The following PCSK5 variants were observed in gnomAD, a reference collection of about 807,000 sequenced individuals.
The protein encoded by PCSK5 is prohormone convertase 5.
PCSK5 carries 129 observed loss-of-function variants against 233.2 expected under a neutral mutation model. That is an observed-to-expected ratio of 0.55 (90% CI 0.48 to 0.64). PCSK5 has a LOEUF of 0.64. Among genes scored for constraint, PCSK5 ranks in the 30% least tolerant of loss-of-function variants. PCSK5 has a pLI of 0.00. For synonymous variants in PCSK5, 825 were observed against 879.2 expected (o/e 0.94, Z 1.09); for missense variants, 2,076 against 2,430.1 (o/e 0.85, Z 3.06).
At chr9:75,946,565 CCTT>C (rs143928619) in intron 2 of PCSK5, among the ~76,000 whole-genome samples, 6,086 of 152,240 alleles carry the variant, frequency 0.04, 156 homozygotes, top group Middle Eastern at 0.075. Context: ...CAAACTTTCT[CCTT>C]CTGCCTTTTT....
intron 3 of PCSK5, among the ~76,000 whole-genome samples, chr9:75,989,479 A>G (rs1355627478): frequency 2.1e-5 from 3 of 143,762 alleles, no homozygotes; most frequent in Non-Finnish European, 3.1e-5. Flanking sequence ...GGGTGACAGA[A>G]TGAGACCCCC....
intron 12 of PCSK5, among the ~76,000 whole-genome samples, chr9:76,162,132 G>T (rs1184897176): frequency 1.3e-5 from 2 of 152,138 alleles, no homozygotes; most frequent in African/African-American, 4.8e-5. Context: ...CAGAATTATT[G>T]CTCTGAGCAG....
chr9:75,957,219 T>A (rs1008970030), intron 2 of PCSK5, among the ~76,000 whole-genome samples: 4 of 152,168 alleles, frequency 2.6e-5, no homozygotes, highest in African/African-American at 9.7e-5. Context: ...TTTGTTAAAC[T>A]GAATCTTGAC....
chr9:76,275,511 G>A (rs907957191), intron 24 of PCSK5, among the ~76,000 whole-genome samples: 3 of 152,060 alleles, frequency 2.0e-5, no homozygotes, highest in Admixed American at 6.6e-5. Context: ...TGCAACCTCC[G>A]CCTCTCGGAT....
intron 24 of PCSK5, among the ~76,000 whole-genome samples, chr9:76,286,151 C>T (rs2131396724): frequency 6.6e-6 from 1 of 152,244 alleles, no homozygotes; most frequent in Middle Eastern, 3.4e-3. Flanking sequence ...TTTTTCCCCC[C>T]ATAAACAGAG....
chr9:76,207,748 G>A (rs1587759593), intron 20 of PCSK5, among the ~76,000 whole-genome samples: 2 of 152,306 alleles, frequency 1.3e-5, no homozygotes, highest in South Asian at 4.1e-4. Context: ...GAAGGATAGA[G>A]CTGGAGATAG....
At chr9:76,103,781 T>C (rs1831863839) in intron 8 of PCSK5, among the ~76,000 whole-genome samples, 1 of 152,206 alleles carries the variant, frequency 6.6e-6, no homozygotes, top group South Asian at 2.1e-4. Flanking sequence ...TCCATCACTC[T>C]GATGGGCACA....
At chr9:75,952,771 T>C (rs1440924949) in intron 2 of PCSK5, among the ~76,000 whole-genome samples, 6 of 152,204 alleles carry the variant, frequency 3.9e-5, no homozygotes, top group Non-Finnish European at 8.8e-5. Context: ...CTTTGAGATT[T>C]CATCCACGAG....
intron 7 of PCSK5, among the ~76,000 whole-genome samples, chr9:76,092,986 C>T (rs1469033786): frequency 1.3e-5 from 2 of 151,214 alleles, no homozygotes; most frequent in African/African-American, 2.4e-5. Flanking sequence ...CTGATCTTAC[C>T]ATACAAGATA....
Position 76,068,259 on chromosome 9 carries a change from A to G in PCSK5, c.721+216A>G, listed in dbSNP as rs566989798. Among the ~76,000 whole-genome samples the G allele has an allele frequency of 5.3e-5, 8 of 152,238 alleles. 1 individual carries two copies. In the South Asian group the frequency reaches 1.5e-3, roughly 28 times the overall value. ...AAGCAGTCACCCTAAAATATTGTAA[A>G]CACTTTTCTTTTAAACAGACTTGAA... is the stretch of plus-strand genomic sequence containing the variant. On this transcript the variant is annotated intron_variant, in intron 6 of 37. Transcript: ENST00000674117.
At chr9:76,149,811 T>A (rs1823589627) in intron 10 of PCSK5, among the ~76,000 whole-genome samples, 1 of 152,216 alleles carries the variant, frequency 6.6e-6, no homozygotes, top group Admixed American at 6.5e-5. Flanking sequence ...CCATCAATTA[T>A]CTTAAGCAAA....
In PCSK5 at chr9:75,911,178, AT is replaced by A. The variant is rs533739952; in HGVS notation, c.192+19806del. On this transcript the variant is annotated intron_variant, in intron 1 of 37. Coordinates refer to ENST00000674117, the MANE Select transcript of PCSK5 (RefSeq NM_001372043.1). The stretch of plus-strand genomic sequence containing the variant: ...AACAAGAACTATTTTGAAATAATTG[AT>A]ACATTGCGTGTGAACATATAGGTTT... Among the ~76,000 whole-genome samples, 8 of 130,690 alleles carry A rather than the reference AT, an allele frequency of 6.1e-5. 1 individual carries two copies. In the East Asian group the frequency reaches 2.0e-3, roughly 33 times the overall value. 85.7% of individuals were successfully genotyped at this position (130,690 alleles called of 152,430 possible). A position where few individuals can be genotyped will look rare whatever the true frequency, so the allele number is the denominator to read the frequency against.
chr9:75,890,853 A>C lies in PCSK5; in HGVS notation c.-329A>C. 4.0e-6 allele frequency: 1 copy of C among 252,606 alleles called. No individual in the cohort carries two copies. The highest frequency in any genetic ancestry group is 7.5e-6 in the Non-Finnish European group (1 of 132,468). 15.6% of individuals were successfully genotyped at this position (252,606 alleles called of 1,614,324 possible). ...GCGAGACCGAGTCGGAGAGTCCGGG[A>C]GCCAAGCCGGGCGAAACCCAACTGC... On this transcript the variant is annotated 5_prime_UTR_variant, in exon 1 of 38. Coordinates refer to ENST00000674117, the MANE Select transcript of PCSK5 (RefSeq NM_001372043.1).
intron 4 of PCSK5, among the ~76,000 whole-genome samples, chr9:76,026,506 A>G (rs1828431549): frequency 6.6e-6 from 1 of 152,224 alleles, no homozygotes; most frequent in African/African-American, 2.4e-5. Flanking sequence ...TTGTCTTCTG[A>G]AATCTATATA....
At chr9:76,193,562 C>T in intron 20 of PCSK5, 1 of 487,288 alleles carries the variant, frequency 2.1e-6, no homozygotes, top group East Asian at 3.3e-5. Context: ...AAAACTACAA[C>T]AAGCCTACCT....
intron 25 of PCSK5, among the ~76,000 whole-genome samples, chr9:76,294,173 A>G (rs930460857): frequency 6.7e-6 from 1 of 148,728 alleles, no homozygotes; most frequent in African/African-American, 2.5e-5. Context: ...CTCCAGCCTC[A>G]GTGACAGGGA....
intron 24 of PCSK5, among the ~76,000 whole-genome samples, chr9:76,246,072 G>T (rs144171410): frequency 6.6e-6 from 1 of 152,064 alleles, no homozygotes; most frequent in Non-Finnish European, 1.5e-5. Context: ...AGTGGCTCAC[G>T]CCTGTAATCC....
chr9:75,986,399 A>G (rs1372791260), intron 3 of PCSK5, among the ~76,000 whole-genome samples, 154 bp downstream of exon 3: 1 of 152,200 alleles, frequency 6.6e-6, no homozygotes, highest in Non-Finnish European at 1.5e-5. Context: ...ATGGCCTATG[A>G]TGCTGTCTGG....
intron 9 of PCSK5, among the ~76,000 whole-genome samples, chr9:76,111,733 G>A (rs962857107): frequency 6.6e-5 from 10 of 152,146 alleles, no homozygotes; most frequent in African/African-American, 2.4e-4. Context: ...AAATGAGTAT[G>A]CAAGGAAGCA....
Sources: gnomAD v4.1 joint callset for allele counts (sites outside exome capture counted in the v4.1 genomes callset) on GRCh38, gnomAD v4.1.1 for gene constraint, MANE v1.5 for transcripts, NCBI Gene and HGNC (gene_info 2026-07-23, HGNC 2026-07-21) for gene names.